BRINP3: variants seen among roughly 807,000 people sequenced by gnomAD.
The protein encoded by BRINP3 is BMP/retinoic acid-inducible neural-specific protein 3.
A neutral mutation model predicts 71.0 loss-of-function variants in BRINP3; 19 were observed. That is an observed-to-expected ratio of 0.27 (90% confidence interval 0.19 to 0.39). The LOEUF is 0.39. Ranked by LOEUF, BRINP3 falls within the 10% of genes least tolerant of loss-of-function variation. BRINP3 has a pLI of 1.00. For synonymous variants in BRINP3, 380 were observed against 337.7 expected (o/e 1.13, Z -1.37); for missense variants, 959 against 940.8 (o/e 1.02, Z -0.25).
At chr1:190,456,171 C>G (rs1373664146) in intron 1 of BRINP3, among the ~76,000 whole-genome samples, 1 of 152,164 alleles carries the variant, frequency 6.6e-6, no homozygotes, top group Non-Finnish European at 1.5e-5. Flanking sequence ...ACTTTCCTAG[C>G]TATAACCCCA....
intron 2 of BRINP3, among the ~76,000 whole-genome samples, chr1:190,388,425 A>G (rs1021637564): frequency 2.0e-5 from 3 of 151,880 alleles, no homozygotes; most frequent in Non-Finnish European, 4.4e-5. Flanking sequence ...TAGTGTGGGC[A>G]GTAATCCAAT....
At chr1:190,378,845 C>G (rs1212914928) in intron 2 of BRINP3, among the ~76,000 whole-genome samples, 1 of 152,138 alleles carries the variant, frequency 6.6e-6, no homozygotes, top group African/African-American at 2.4e-5. Context: ...AGTTGTGACA[C>G]TAATTGAGTG....
At chr1:190,292,087 C>G (rs550857017) in intron 2 of BRINP3, among the ~76,000 whole-genome samples, 164 of 152,070 alleles carry the variant, frequency 1.1e-3, no homozygotes, top group African/African-American at 3.0e-3. Flanking sequence ...TATGTGAAAT[C>G]TGAAAAAGTT....
chr1:190,179,401 G>A (rs1192349876), intron 6 of BRINP3, among the ~76,000 whole-genome samples: 3 of 152,002 alleles, frequency 2.0e-5, no homozygotes, highest in African/African-American at 7.2e-5. Flanking sequence ...TAACACTCTT[G>A]AAAAATAATG....
intron 2 of BRINP3, among the ~76,000 whole-genome samples, chr1:190,452,405 A>T (rs1044020669): frequency 6.6e-6 from 1 of 152,236 alleles, no homozygotes; most frequent in Admixed American, 6.5e-5. Flanking sequence ...TAGTAAGGAT[A>T]AGTAGCACAG....
At chr1:190,422,685 G>A (rs1673460794) in intron 2 of BRINP3, among the ~76,000 whole-genome samples, 1 of 151,808 alleles carries the variant, frequency 6.6e-6, no homozygotes, top group South Asian at 2.1e-4. Context: ...TCCAGAAAAA[G>A]AGAGCTGAAG....
intron 1 of BRINP3, among the ~76,000 whole-genome samples, chr1:190,463,736 C>T (rs541748040): frequency 3.9e-5 from 6 of 151,960 alleles, no homozygotes; most frequent in Non-Finnish European, 7.4e-5. Context: ...TAACTTCACA[C>T]TTTAGTGAAA....
At chr1:190,470,252 C>G (rs1156270309) in intron 1 of BRINP3, among the ~76,000 whole-genome samples, 1 of 150,912 alleles carries the variant, frequency 6.6e-6, no homozygotes, top group Non-Finnish European at 1.5e-5. Flanking sequence ...AAAAATAAGT[C>G]TATCTATAAG....
At chr1:190,324,069 A>G (rs1666426870) in intron 2 of BRINP3, among the ~76,000 whole-genome samples, 1 of 151,964 alleles carries the variant, frequency 6.6e-6, no homozygotes, top group Non-Finnish European at 1.5e-5. Flanking sequence ...AACCTGTTTC[A>G]GATTGCAAAA....
Position 190,294,190 on chromosome 1 carries a change from T to C in BRINP3, c.237-12440A>G, listed in dbSNP as rs1664077141. 2.0e-5 allele frequency among the ~76,000 whole-genome samples: 3 copies of C among 152,180 alleles called. No homozygotes were observed. The South Asian group carries it at 6.2e-4, about 31-fold the overall frequency. ...AGTTTTACTTTTAGGGTATTTATTA[T>C]AGTTTTTGGCATTGTGGTTGTCATT... On this transcript the variant is annotated intron_variant, in intron 2 of 7. Transcript: ENST00000367462.
At chr1:190,401,955 A>G (rs530084689) in intron 2 of BRINP3, among the ~76,000 whole-genome samples, 62 of 152,104 alleles carry the variant, frequency 4.1e-4, no homozygotes, top group African/African-American at 1.4e-3. Context: ...TTTGATATGA[A>G]CAACTATATA....
At position 190,447,437 on chromosome 1, in the gene BRINP3, ATTCCAATCTCT is replaced by A. The variant is rs916386880; in HGVS notation, c.236+7207_236+7217del. On this transcript the variant is annotated intron_variant, in intron 2 of 7. Coordinates refer to ENST00000367462, the MANE Select transcript of BRINP3 (RefSeq NM_199051.3). ...TTTTTAATTTCTTAAATAAGAAATA[ATTCCAATCTCT>A]TTCCCTTTTCTAGTGTGGAAAAGGG... is the stretch of plus-strand genomic sequence containing the variant. Among the ~76,000 whole-genome samples the A allele has an allele frequency of 4.7e-5, 7 of 147,426 alleles. 1 individual carries two copies. Among genetic ancestry groups the A allele is most frequent in the Admixed American group, 4.1e-4 (6 of 14,716 alleles).
At chr1:190,161,177 A>T (rs1657327961) in intron 6 of BRINP3, among the ~76,000 whole-genome samples, 1 of 152,072 alleles carries the variant, frequency 6.6e-6, no homozygotes, top group African/African-American at 2.4e-5. Context: ...GTTTAAGTTT[A>T]ACTTAATTTT....
chr1:190,123,780 A>C (rs926121932), intron 7 of BRINP3, among the ~76,000 whole-genome samples: 13 of 152,138 alleles, frequency 8.5e-5, no homozygotes, highest in Non-Finnish European at 1.0e-4. Context: ...AGCCCATACA[A>C]TTAGATTTTG....
chr1:190,342,392 A>AAC (rs397794397), intron 2 of BRINP3: 1 of 150,664 alleles, frequency 6.6e-6, no homozygotes, highest in Non-Finnish European at 1.5e-5. Flanking sequence ...AAAAAAAAAA[A>AAC]TGATGGGTTA....
chr1:190,106,055 A>G (rs953571275), intron 7 of BRINP3, among the ~76,000 whole-genome samples: 2 of 152,086 alleles, frequency 1.3e-5, no homozygotes, highest in East Asian at 3.9e-4. Flanking sequence ...AAGTATTATT[A>G]TAGGCAAGTT....
Position 190,343,033 on chromosome 1 carries a change from G to A in BRINP3, c.237-61283C>T, listed in dbSNP as rs532329195. ...ATGGTGGCTCTTTAAACAGAACTGCGGCATAGCCATTAAATGTATCTAGGA... is the reference window on the plus strand; with the variant it reads ...ATGGTGGCTCTTTAAACAGAACTGCAGCATAGCCATTAAATGTATCTAGGA... On this transcript the variant is annotated intron_variant, in intron 2 of 7. Coordinates refer to ENST00000367462, the MANE Select transcript of BRINP3 (RefSeq NM_199051.3). Among the ~76,000 whole-genome samples the A allele has an allele frequency of 6.6e-5, 10 of 151,764 alleles. No homozygotes were observed. In the South Asian group the frequency reaches 8.3e-4, roughly 13 times the overall value.
intron 6 of BRINP3, among the ~76,000 whole-genome samples, chr1:190,197,638 G>T (rs190760054): frequency 3.9e-4 from 59 of 152,282 alleles, no homozygotes; most frequent in African/African-American, 1.4e-3. Context: ...TTGGCTCCAT[G>T]TCTCACATCC....
chr1:190,291,152 A>C (rs866807468), intron 2 of BRINP3, among the ~76,000 whole-genome samples: 1 of 152,110 alleles, frequency 6.6e-6, no homozygotes, highest in African/African-American at 2.4e-5. Context: ...AAACCTCTAC[A>C]TGGTAGAAGG....
Sources: allele counts gnomAD v4.1 joint callset (sites outside exome capture counted in the v4.1 genomes callset), GRCh38; gene constraint gnomAD v4.1.1; transcripts MANE v1.5; gene names NCBI Gene and HGNC (gene_info 2026-07-23, HGNC 2026-07-21).